The following RBAK variants were observed in gnomAD, a reference collection of about 807,000 sequenced individuals.
The protein encoded by RBAK is RB-associated KRAB zinc finger protein.
In RBAK, 39 loss-of-function variants were observed where a neutral mutation model predicts 65.8. That is an observed-to-expected ratio of 0.59 (90% CI 0.46 to 0.77). The LOEUF (loss-of-function observed/expected upper bound fraction) is 0.77, where lower values mean the gene tolerates loss of function less well. Ranked by LOEUF, RBAK falls within the 30% of genes least tolerant of loss-of-function variation. The probability of loss-of-function intolerance (pLI) is 0.00; values close to 1 mark genes in which losing one functional copy is unlikely to be tolerated. For synonymous variants in RBAK, 343 were observed against 289.7 expected, an observed-to-expected ratio of 1.18 and a Z score of -1.87; for missense variants, 884 against 855.1, an observed-to-expected ratio of 1.03 and a Z score of -0.42.
Position 5,048,010 on chromosome 7 carries a change from G to A in RBAK, c.-44-23G>A. 7.4e-7 allele frequency: 1 copy of A among 1,346,838 alleles called. No homozygotes were observed. The highest frequency in any genetic ancestry group is 1.4e-5 in the South Asian group (1 of 74,000). 83.4% of individuals were successfully genotyped at this position (1,346,838 alleles called of 1,614,324 possible). On this transcript the variant is annotated intron_variant, in intron 1 of 4. Transcript: ENST00000396912. This position sits in a 1 kb window ranked among gnomAD's most constrained non-coding sequence, Gnocchi z 4.4. Reference sequence around the variant, plus strand: ...GCAGGCCAGAGCACTCATGACTTCAGTGACCTGCTTCTCCCCCTCTAGGTC... The same window carrying A: ...GCAGGCCAGAGCACTCATGACTTCAATGACCTGCTTCTCCCCCTCTAGGTC...
chr7:5,056,825 G>C (rs566410785), intron 2 of RBAK, among the ~76,000 whole-genome samples: 4 of 152,216 alleles, frequency 2.6e-5, no homozygotes, highest in Admixed American at 6.5e-5. Flanking sequence ...GGAGCTGAGT[G>C]GTGGGCACTC....
chr7:5,061,050 T>C (rs1281766408), intron 4 of RBAK, among the ~76,000 whole-genome samples: 4 of 152,238 alleles, frequency 2.6e-5, no homozygotes, highest in South Asian at 2.1e-4. Context: ...AAAAGAATTA[T>C]ACAGAGACAT....
At position 5,065,017 on chromosome 7, in the gene RBAK, C is replaced by T; in HGVS notation, c.1561C>T (p.Leu521Phe). 1 of 1,612,516 alleles carries T rather than the reference C, an allele frequency of 6.2e-7. No individual in the cohort carries two copies. The change falls in exon 5 of 5, where the codon CTT becomes TTT. Residue 521 changes from leucine to phenylalanine, a missense_variant. By Grantham distance (22) the Leu-to-Phe change is conservative (BLOSUM62 0). Coordinates refer to ENST00000396912, the MANE Select transcript of RBAK (RefSeq NM_021163.4). The surrounding 1 kb of genome is among the most constrained non-coding windows in gnomAD (Gnocchi z 5.3). ...ATGTAATGAATGTGGGAAAACCTTC[C>T]TTGTAAATTCAGCCTTCGATGGGCA... ...YECNECGKTF[L>F]VNSAFDGHQP... is the part of the protein sequence containing the mutation.
Position 5,064,515 on chromosome 7 carries a change from C to T in RBAK, c.1059C>T (p.Thr353=). 1 of 1,613,982 alleles carries T rather than the reference C, an allele frequency of 6.2e-7. No homozygotes were observed. Among genetic ancestry groups the T allele is most frequent in the Non-Finnish European group, 8.5e-7 (1 of 1,179,940 alleles). Residue 353 remains threonine (T), a synonymous_variant, in exon 5 of 5, where the codon ACC becomes ACT. Coordinates refer to ENST00000396912, the MANE Select transcript of RBAK (RefSeq NM_021163.4). This position sits in a 1 kb window ranked among gnomAD's most constrained non-coding sequence, Gnocchi z 6.3. The stretch of plus-strand genomic sequence containing the variant: ...ACGAATGTAGCGAATGTGGGAAAAC[C>T]TTCTGCCAAAAGACACATCTCACCC... ...KPYECSECGK[T]FCQKTHLTLH...
At chr7:5,053,425 A>G (rs1788158523) in intron 2 of RBAK, among the ~76,000 whole-genome samples, 1 of 151,578 alleles carries the variant, frequency 6.6e-6, no homozygotes, top group Non-Finnish European at 1.5e-5. Context: ...TTTTATCACT[A>G]GTTTTGGGTA....
At position 5,046,135 on chromosome 7, in the gene RBAK, G is replaced by A. The variant is rs1202753628; in HGVS notation, c.-306G>A. The A allele has an allele frequency of 9.2e-6, 3 of 324,536 alleles. No homozygotes were observed. Among genetic ancestry groups the A allele is most frequent in the Admixed American group, 9.3e-5 (2 of 21,464 alleles). 20.1% of individuals were successfully genotyped at this position (324,536 alleles called of 1,614,324 possible). The stretch of plus-strand genomic sequence containing the variant: ...GTGGCGGCGGAGGCGAAGGGGCGGC[G>A]GGACGCGGGCCTGGCCCGTGTGTGT... On this transcript the variant is annotated 5_prime_UTR_variant, in exon 1 of 5. Transcript: ENST00000396912.
chr7:5,062,865 A>C (rs113512646), intron 4 of RBAK, among the ~76,000 whole-genome samples: 15,995 of 152,160 alleles, frequency 0.11, 922 homozygotes, highest in African/African-American at 0.15. Context: ...GCTCTGTTCC[A>C]CCCGGCTCAC....
chr7:5,048,205 C>A lies in RBAK; in HGVS notation c.15+114C>A, dbSNP rs1364823405. The A allele has an allele frequency of 6.9e-6, 10 of 1,456,718 alleles. No homozygotes were observed. The South Asian group carries it at 1.1e-4, about 17-fold the overall frequency. 90.2% of individuals were successfully genotyped at this position (1,456,718 alleles called of 1,614,324 possible). A position where few individuals can be genotyped will look rare whatever the true frequency, so the allele number is the denominator to read the frequency against. ...TCTTTTTTTTTGAGATGGAGTCTTG[C>A]TCTGTTGCCCAGGCTGGAGTGCAGT... On this transcript the variant is annotated intron_variant, in intron 2 of 4. Transcript: ENST00000396912. The surrounding 1 kb of genome is among the most constrained non-coding windows in gnomAD (Gnocchi z 4.4).
intron 4 of RBAK, among the ~76,000 whole-genome samples, chr7:5,061,183 C>T (rs116077375): frequency 6.6e-6 from 1 of 152,116 alleles, no homozygotes; most frequent in Non-Finnish European, 1.5e-5. Flanking sequence ...AGTCCTTTGA[C>T]AACCCTATGA....
chr7:5,057,286 C>T lies in RBAK; in HGVS notation c.16-9C>T. On this transcript the variant is annotated splice_polypyrimidine_tract_variant and intron_variant, in intron 2 of 4. Coordinates refer to ENST00000396912, the MANE Select transcript of RBAK (RefSeq NM_021163.4). Reference sequence around the variant, plus strand: ...GTATCTCCCAATTCTGATCATGTTGCCATTACAGGGGCCAGTGTCATTCAA... The same window carrying T: ...GTATCTCCCAATTCTGATCATGTTGTCATTACAGGGGCCAGTGTCATTCAA... 6.2e-7 allele frequency: 1 copy of T among 1,613,910 alleles called. No homozygotes were observed. The highest frequency in any genetic ancestry group is 8.5e-7 in the Non-Finnish European group (1 of 1,179,964).
chr7:5,050,255 T>G (rs1339314651), intron 2 of RBAK, among the ~76,000 whole-genome samples: 1 of 152,270 alleles, frequency 6.6e-6, no homozygotes, highest in African/African-American at 2.4e-5. Flanking sequence ...GCTCATTGTT[T>G]TGAAGAAACT....
rs1779217613 is a variant in RBAK, at chr7:5,066,327, CATT to C, written c.*728_*730del. On this transcript the variant is annotated 3_prime_UTR_variant, in exon 5 of 5. Transcript: ENST00000396912. ...ACAAATGGGTTTTTAACAAATGCCT[CATT>C]AGTACAGGAGGCAGTCGTTTTGTAA... 6.6e-6 allele frequency: 1 copy of C among 152,336 alleles called. No individual in the cohort carries two copies. The highest frequency in any genetic ancestry group is 2.4e-5 in the African/African-American group (1 of 41,444). 9.4% of individuals were successfully genotyped at this position (152,336 alleles called of 1,614,324 possible).
Position 5,064,924 on chromosome 7 carries a change from T to C in RBAK, c.1468T>C (p.Cys490Arg). The C allele has an allele frequency of 1.2e-6, 2 of 1,614,070 alleles. No individual in the cohort carries two copies. The highest frequency in any genetic ancestry group is 8.5e-7 in the Non-Finnish European group (1 of 1,179,978). ...AGAGAAATCCCATGAATGTAGTGAATGTGGAAAGTTCTCTCAGTTGTATCT... is the reference window on the plus strand; with the variant it reads ...AGAGAAATCCCATGAATGTAGTGAACGTGGAAAGTTCTCTCAGTTGTATCT... ...TEEKSHECSE[C>R]GKFSQLYLTD... Residue 490 changes from cysteine (C) to arginine (R), a missense_variant, in exon 5 of 5, where the codon TGT becomes CGT. Physicochemically the swap from Cys to Arg is radical, Grantham distance 180. Coordinates refer to ENST00000396912, the MANE Select transcript of RBAK (RefSeq NM_021163.4). The surrounding 1 kb of genome is among the most constrained non-coding windows in gnomAD (Gnocchi z 6.3).
intron 2 of RBAK, among the ~76,000 whole-genome samples, chr7:5,056,644 GCATT>G (rs1788238711): frequency 6.6e-6 from 1 of 152,134 alleles, no homozygotes; most frequent in Non-Finnish European, 1.5e-5. Context: ...ACAGCTTTGG[GCATT>G]CATTCATTTA....
In RBAK at chr7:5,065,718, A is replaced by G. The variant is rs1298629315; in HGVS notation, c.*117A>G. On this transcript the variant is annotated 3_prime_UTR_variant, in exon 5 of 5. Transcript: ENST00000396912. The surrounding 1 kb of genome is among the most constrained non-coding windows in gnomAD (Gnocchi z 5.3). ...CCTGAACGGTGAGAAGCATTTAGGC[A>G]TTAGAGTCATTTTAATCCAAATTTT... is the stretch of plus-strand genomic sequence containing the variant. The G allele has an allele frequency of 1.5e-6, 1 of 688,256 alleles. No homozygotes were observed. The highest frequency in any genetic ancestry group is 2.1e-6 in the Non-Finnish European group (1 of 465,746). 42.6% of individuals were successfully genotyped at this position (688,256 alleles called of 1,614,324 possible).
At chr7:5,047,195 T>G (rs985785975) in intron 1 of RBAK, among the ~76,000 whole-genome samples, 1 of 151,784 alleles carries the variant, frequency 6.6e-6, no homozygotes, top group Non-Finnish European at 1.5e-5. Context: ...AGACCAGGAG[T>G]TAGAGACCAG....
intron 2 of RBAK, among the ~76,000 whole-genome samples, chr7:5,055,397 G>A (rs1349471280): frequency 6.6e-6 from 1 of 151,910 alleles, no homozygotes; most frequent in African/African-American, 2.4e-5. Flanking sequence ...TTATATTTGT[G>A]TATATACATG....
In RBAK at chr7:5,049,776, T is replaced by G. The variant is rs151022053; in HGVS notation, c.15+1685T>G. On this transcript the variant is annotated intron_variant, in intron 2 of 4. Transcript: ENST00000396912. The stretch of plus-strand genomic sequence containing the variant: ...TCTTGCTGTGTCACCCAGGCTGGAG[T>G]GTAGAGACGTGATCACAACTCACTG... 8.1e-3 allele frequency among the ~76,000 whole-genome samples: 1,239 copies of G among 152,174 alleles called. 18 individuals carry two copies. Among genetic ancestry groups the G allele is most frequent in the African/African-American group, 0.029 (1,184 of 41,498 alleles).
rs377353234 is a variant in RBAK at position 5,065,778 on chromosome 7, C to G, written c.*177C>G. On this transcript the variant is annotated 3_prime_UTR_variant, in exon 5 of 5. Transcript: ENST00000396912. The surrounding 1 kb of genome is among the most constrained non-coding windows in gnomAD (Gnocchi z 5.3). ...GAATCCCGAAGAATGTAACAAGAAG[C>G]AAAGCCTTCAGCAAGATCATACGAC... The G allele has an allele frequency of 3.4e-5, 15 of 443,966 alleles. No homozygotes were observed. The highest frequency in any genetic ancestry group is 3.5e-5 in the Non-Finnish European group (9 of 256,892). 27.5% of individuals were successfully genotyped at this position (443,966 alleles called of 1,614,324 possible). A position where few individuals can be genotyped will look rare whatever the true frequency, so the allele number is the denominator to read the frequency against.
Sources: gnomAD v4.1 joint callset for allele counts (sites outside exome capture counted in the v4.1 genomes callset) on GRCh38, gnomAD v4.1.1 for gene constraint, Gnocchi (gnomAD v3.1) non-coding constraint, MANE v1.5 for transcripts, NCBI Gene and HGNC (gene_info 2026-07-23, HGNC 2026-07-21) for gene names.